ZNF254: variants seen among roughly 807,000 people sequenced by gnomAD.
The protein encoded by ZNF254 is CTD-2017D11.1.
A neutral mutation model predicts 12.4 loss-of-function variants in ZNF254; 10 were observed. The ratio of observed to expected loss-of-function variants is 0.80; its 90% CI spans 0.50 to 1.36. The LOEUF is 1.36. Among genes scored for constraint, ZNF254 ranks in the 40% most tolerant of loss-of-function variants. The pLI, the probability that ZNF254 is intolerant of heterozygous loss-of-function variation, is 0.00. For synonymous variants in ZNF254, 305 were observed against 253.4 expected (o/e 1.20, Z -1.93); for missense variants, 996 against 763.9 (o/e 1.30, Z -3.58).
rs1419362855 is a variant in ZNF254 at position 24,129,678 on chromosome 19, C to T, written c.*1698C>T. The stretch of plus-strand genomic sequence containing the variant: ...TTAGAGGAAATGAGATATCCATTAC[C>T]TCTAGCATTTATTCTTTTTATTACA... On this transcript the variant is annotated 3_prime_UTR_variant, in exon 4 of 4. Coordinates refer to ENST00000357002, the MANE Select transcript of ZNF254 (RefSeq NM_203282.4). 2 of 151,778 alleles carry T rather than the reference C, an allele frequency of 1.3e-5. No individual in the cohort carries two copies. Among genetic ancestry groups the T allele is most frequent in the African/African-American group, 4.8e-5 (2 of 41,332 alleles). 9.4% of individuals were successfully genotyped at this position (151,778 alleles called of 1,614,324 possible). A position where few individuals can be genotyped will look rare whatever the true frequency, so the allele number is the denominator to read the frequency against.
At position 24,048,003 on chromosome 19, in the gene ZNF254, C is replaced by CTTTTTTTTTTTTTT. The variant is rs398034320; in HGVS notation, c.-94+1734_-94+1747dup. Among the ~76,000 whole-genome samples, 286 of 68,814 alleles carry CTTTTTTTTTTTTTT rather than the reference C, an allele frequency of 4.2e-3. 18 individuals carry two copies. Among genetic ancestry groups the CTTTTTTTTTTTTTT allele is most frequent in the Non-Finnish European group, 4.8e-3 (190 of 39,906 alleles). The allele number at this position is 68,814 out of a possible 152,430, so 45.1% of individuals were successfully genotyped here. On this transcript the variant is annotated intron_variant, in intron 2 of 4. Coordinates refer to the ZNF254 transcript ENST00000613065. ...CACCCGGCTCTTTTTTTCTTTTCTTCTTTTTTTTTTTTTTTTTTTTTTTGC... is the reference window on the plus strand; with the variant it reads ...CACCCGGCTCTTTTTTTCTTTTCTTCTTTTTTTTTTTTTTTTTTTTTTTTTTTTTTTTTTTTTGC...
chr19:24,072,553 G>C (rs556960969), intron 2 of ZNF254, among the ~76,000 whole-genome samples: 142 of 152,278 alleles, frequency 9.3e-4, no homozygotes, highest in African/African-American at 3.3e-3. Context: ...AAAGGCTCTT[G>C]CCTGGGCCCT....
intron 2 of ZNF254, among the ~76,000 whole-genome samples, chr19:24,061,359 T>G (rs1971059064): frequency 6.6e-6 from 1 of 152,246 alleles, no homozygotes; most frequent in Non-Finnish European, 1.5e-5. Flanking sequence ...TTGTGACATT[T>G]CACTGGGCCA....
rs142812441 is a variant in ZNF254, at chr19:24,127,181, C to G, written c.1181C>G (p.Thr394Ser). Residue 394 changes from threonine (T) to serine (S), a missense_variant, in exon 4 of 4, where the codon ACT (threonine) becomes AGT (serine). Thr to Ser is a moderately conservative substitution (Grantham distance 58, BLOSUM62 1). Transcript: ENST00000357002. ...GKAFKQLSTL[T>S]THKIIHVGEK... ...GCTTTTAAGCAACTCTCAACTCTTACTACACATAAAATAATTCATGTTGGA... is the reference window on the plus strand; with the variant it reads ...GCTTTTAAGCAACTCTCAACTCTTAGTACACATAAAATAATTCATGTTGGA... 5.4e-4 allele frequency: 872 copies of G among 1,613,444 alleles called. 3 individuals carry two copies. The African/African-American group carries it at 0.01, about 19-fold the overall frequency.
chr19:24,082,250 G>A (rs1599662723), upstream of ZNF254, among the ~76,000 whole-genome samples: 1 of 151,714 alleles, frequency 6.6e-6, no homozygotes, highest in Non-Finnish European at 1.5e-5. Context: ...TATGGTAAAT[G>A]TGTTCCTCAA....
intron 2 of ZNF254, among the ~76,000 whole-genome samples, chr19:24,076,177 A>G (rs1461971160): frequency 6.6e-6 from 1 of 152,226 alleles, no homozygotes; most frequent in East Asian, 1.9e-4. Flanking sequence ...AAAGACAGGC[A>G]TAGGAAATTA....
At chr19:24,038,498 AT>A (rs139246490) in intron 1 of ZNF254, among the ~76,000 whole-genome samples, 1 of 151,380 alleles carries the variant, frequency 6.6e-6, no homozygotes, top group Admixed American at 6.6e-5. Flanking sequence ...TTCTGTAATA[AT>A]TTTTTTTTCT....
At chr19:24,119,557 A>C (rs1170094340) in intron 3 of ZNF254, among the ~76,000 whole-genome samples, 6 of 152,044 alleles carry the variant, frequency 3.9e-5, no homozygotes, top group African/African-American at 1.2e-4. Flanking sequence ...TGTTGTGATC[A>C]TGGCTCACTG....
intron 3 of ZNF254, among the ~76,000 whole-genome samples, chr19:24,109,852 G>C (rs1261714343): frequency 6.6e-6 from 1 of 150,398 alleles, no homozygotes; most frequent in African/African-American, 2.4e-5. Context: ...CTCCTGAGTA[G>C]CTGGGATTAC....
intron 2 of ZNF254, among the ~76,000 whole-genome samples, chr19:24,074,477 G>A (rs1971590081): frequency 6.6e-6 from 1 of 152,182 alleles, no homozygotes; most frequent in African/African-American, 2.4e-5. Flanking sequence ...GAGAGATTGT[G>A]ACATATCTCT....
At chr19:24,053,121 A>G (rs1467363005) in intron 2 of ZNF254, among the ~76,000 whole-genome samples, 3 of 152,218 alleles carry the variant, frequency 2.0e-5, no homozygotes, top group Non-Finnish European at 4.4e-5. Flanking sequence ...GATGAAGTTG[A>G]AAGTTAGAAA....
At chr19:24,121,712 C>A (rs1974496630) in intron 3 of ZNF254, among the ~76,000 whole-genome samples, 1 of 152,204 alleles carries the variant, frequency 6.6e-6, no homozygotes, top group South Asian at 2.1e-4. Context: ...CGCCCACTAC[C>A]AAGCCTGGAT....
In ZNF254 at chr19:24,073,896, T is replaced by TG. The variant is rs776780466; in HGVS notation, c.-94+27617_-94+27618insG. 9.4e-4 allele frequency among the ~76,000 whole-genome samples: 143 copies of TG among 152,348 alleles called. 1 individual carries two copies. The highest frequency in any genetic ancestry group is 3.3e-3 in the African/African-American group (139 of 41,584). On this transcript the variant is annotated intron_variant, in intron 2 of 4. Transcript: ENST00000613065. ...TTATCCCTACATTTTCCTGCAACTGTATTGCAACATACACCTCTGACCAGC... is the reference window on the plus strand; with the variant it reads ...TTATCCCTACATTTTCCTGCAACTGTGATTGCAACATACACCTCTGACCAGC...
chr19:24,110,950 T>G (rs1973636621), intron 3 of ZNF254, among the ~76,000 whole-genome samples: 3 of 152,230 alleles, frequency 2.0e-5, no homozygotes, highest in African/African-American at 7.2e-5. Flanking sequence ...TTTTTTAATT[T>G]TATATTTTAA....
chr19:24,092,751 A>G (rs1972467337), intron 1 of ZNF254, among the ~76,000 whole-genome samples: 1 of 152,192 alleles, frequency 6.6e-6, no homozygotes, highest in Admixed American at 6.5e-5. Flanking sequence ...TGCTATTGTG[A>G]ATAGTGCTGT....
At chr19:24,111,556 G>T (rs1381123791) in intron 3 of ZNF254, among the ~76,000 whole-genome samples, 10 of 152,156 alleles carry the variant, frequency 6.6e-5, no homozygotes, top group Admixed American at 1.3e-4. Context: ...TGAACTAGTT[G>T]ACAGTCCCAC....
At chr19:24,098,363 A>G (rs989929629) in intron 1 of ZNF254, 2 of 152,238 alleles carry the variant, frequency 1.3e-5, no homozygotes, top group Non-Finnish European at 2.9e-5. Context: ...CCTCTCTAGT[A>G]AGCTATGTTG....
intron 2 of ZNF254, 142 bp downstream of exon 2, chr19:24,106,208 C>T: frequency 8.7e-7 from 1 of 1,153,160 alleles, no homozygotes; most frequent in Non-Finnish European, 1.2e-6. Flanking sequence ...GGAATTTCTT[C>T]AAGATGTTTC....
At chr19:24,045,686 AAG>A (rs1491429085) in intron 1 of ZNF254, among the ~76,000 whole-genome samples, 1 of 151,218 alleles carries the variant, frequency 6.6e-6, no homozygotes, top group Non-Finnish European at 1.5e-5. Context: ...AAAAAAAAAA[AAG>A]GAAATCTAGC....
Sources: gnomAD v4.1 joint callset for allele counts (sites outside exome capture counted in the v4.1 genomes callset) on GRCh38, gnomAD v4.1.1 for gene constraint, MANE v1.5 for transcripts, NCBI Gene and HGNC (gene_info 2026-07-23, HGNC 2026-07-21) for gene names.